Variants in ANKRD36C observed in about 807,000 individuals in gnomAD.
ANKRD36C encodes ankyrin repeat domain 36C.
ANKRD36C carries 61 observed loss-of-function variants against 276.4 expected under a neutral mutation model. That is an observed-to-expected ratio of 0.22 (90% confidence interval 0.18 to 0.27). The LOEUF (loss-of-function observed/expected upper bound fraction) is 0.27. ANKRD36C is among the 10% of genes least tolerant of loss of function. The pLI, the probability that ANKRD36C is intolerant of heterozygous loss-of-function variation, is 1.00. For synonymous variants in ANKRD36C, 483 were observed against 680.1 expected (o/e 0.71, Z 4.51); for missense variants, 1,447 against 2,032.3 (o/e 0.71, Z 5.54).
intron 6 of ANKRD36C, among the ~76,000 whole-genome samples, chr2:95,963,972 A>C (rs373036345): frequency 2.0e-5 from 1 of 48,994 alleles, no homozygotes; most frequent in Non-Finnish European, 3.7e-5. Context: ...TATATATATA[A>C]ATATATATAT....
intron 59 of ANKRD36C, among the ~76,000 whole-genome samples, chr2:95,870,788 T>C (rs1675791068): frequency 6.6e-6 from 1 of 152,098 alleles, no homozygotes; most frequent in Non-Finnish European, 1.5e-5. Context: ...GACGAATGTA[T>C]ACCTAGAATA....
exon 29 of ANKRD36C, chr2:95,925,531 T>A (rs767812196): frequency 6.4e-7 from 1 of 1,550,606 alleles, no homozygotes; most frequent in South Asian, 1.2e-5. Context: ...TCCAGGCTGA[T>A]TGTTTCTGAG....
intron 13 of ANKRD36C, among the ~76,000 whole-genome samples, chr2:95,956,159 C>T (rs1419307767): frequency 1.3e-5 from 2 of 151,986 alleles, no homozygotes; most frequent in Admixed American, 1.3e-4. Flanking sequence ...ATATAGTTAT[C>T]ATAACATGGT....
intron 19 of ANKRD36C, among the ~76,000 whole-genome samples, chr2:95,942,106 G>A (rs1029153532): frequency 1.1e-4 from 16 of 152,346 alleles, no homozygotes; most frequent in Non-Finnish European, 1.8e-4. Flanking sequence ...GCACAAAGGG[G>A]ACTTAGAAGA....
intron 34 of ANKRD36C, among the ~76,000 whole-genome samples, chr2:95,920,721 G>T (rs1449179740): frequency 7.1e-6 from 1 of 140,374 alleles, no homozygotes; most frequent in Non-Finnish European, 1.6e-5. Flanking sequence ...CATTGAAAAT[G>T]ACCATTTTAG....
intron 44 of ANKRD36C, 115 bp downstream of exon 64, chr2:95,893,418 C>T (rs543107872): frequency 1.2e-5 from 17 of 1,413,548 alleles, no homozygotes; most frequent in East Asian, 2.5e-5. Flanking sequence ...GAAGAATCTC[C>T]GGCCTGCTGA....
chr2:95,851,036 ATGTG>A (rs1675281992), downstream of ANKRD36C: 1 of 671,268 alleles, frequency 1.5e-6, no homozygotes, highest in Admixed American at 2.3e-5. Flanking sequence ...CTTTCACTAG[ATGTG>A]TGTAAGAAAA....
chr2:95,922,327 T>C (rs1036267356), intron 32 of ANKRD36C, among the ~76,000 whole-genome samples: 12 of 151,672 alleles, frequency 7.9e-5, no homozygotes, highest in Admixed American at 7.2e-4. Flanking sequence ...TGAAGTGTCC[T>C]AAATTGCTCA....
chr2:95,857,830 G>C (rs1173274481), intron 61 of ANKRD36C, among the ~76,000 whole-genome samples: 1 of 145,456 alleles, frequency 6.9e-6, no homozygotes, highest in Non-Finnish European at 1.5e-5. Flanking sequence ...AGATCCAGGG[G>C]ATATTCAGCT....
Position 95,916,142 on chromosome 2 carries a change from C to G in ANKRD36C, c.2376+1G>C, listed in dbSNP as rs1165395994. 6.2e-7 allele frequency: 1 copy of G among 1,605,416 alleles called. No homozygotes were observed. The highest frequency in any genetic ancestry group is 1.1e-5 in the South Asian group (1 of 90,930). ...CACAATATAAATGAGAGTTTCATTA[C>G]CTTCAAGGCTGGTTTTTTCCGAGAA... On this transcript the variant is annotated splice_donor_variant, in intron 37 of 66. Transcript: ENST00000456556. LOFTEE classifies it high-confidence loss of function.
intron 30 of ANKRD36C, among the ~76,000 whole-genome samples, chr2:95,924,443 A>T (rs1174003482): frequency 6.6e-6 from 1 of 151,660 alleles, no homozygotes; most frequent in Non-Finnish European, 1.5e-5. Context: ...ATAAACTTTT[A>T]CGTTTGGATA....
chr2:95,856,815 A>G (rs1314476492), intron 62 of ANKRD36C, among the ~76,000 whole-genome samples: 1 of 152,160 alleles, frequency 6.6e-6, no homozygotes, highest in African/African-American at 2.4e-5. Flanking sequence ...GATTTTTCCC[A>G]GCTTTTCTGA....
chr2:95,855,521 CT>C lies in ANKRD36C; in HGVS notation c.4739del (p.Gln1580ArgfsTer7). On this transcript the variant is annotated frameshift_variant, in exon 63 of 67. Coordinates refer to ENST00000456556, the Ensembl canonical transcript of ANKRD36C. LOFTEE classifies it high-confidence loss of function. ...GTTTTTTTAGTTGACAAAATCTTTC[CT>C]GCTTTTCTATGCATTTTTCCATTGT... 6.2e-7 allele frequency: 1 copy of C among 1,611,584 alleles called. No homozygotes were observed. The highest frequency in any genetic ancestry group is 1.7e-5 in the Admixed American group (1 of 59,952).
In ANKRD36C at chr2:95,936,914, T is replaced by C. The variant is rs1275177514; in HGVS notation, c.1634-1270A>G. On this transcript the variant is annotated intron_variant, in intron 22 of 66. Transcript: ENST00000456556. Reference sequence around the variant, plus strand: ...TCACAACAGCAGCCCCATGTCCTCCTCTCTCCCATAGACACAGTTTCATAG... The same window carrying C: ...TCACAACAGCAGCCCCATGTCCTCCCCTCTCCCATAGACACAGTTTCATAG... 3.9e-5 allele frequency among the ~76,000 whole-genome samples: 6 copies of C among 152,392 alleles called. No homozygotes were observed. The East Asian group carries it at 9.7e-4, about 25-fold the overall frequency.
chr2:95,902,923 T>A, intron 42 of ANKRD36C: 7 of 1,589,306 alleles, frequency 4.4e-6, no homozygotes, highest in Non-Finnish European at 6.0e-6. Flanking sequence ...TTCCTCTGGC[T>A]ATATTCAAAA....
At chr2:95,967,815 C>A (rs1573810542) in intron 6 of ANKRD36C, among the ~76,000 whole-genome samples, 1 of 152,060 alleles carries the variant, frequency 6.6e-6, no homozygotes, top group African/African-American at 2.4e-5. Flanking sequence ...AGGCTGGGCA[C>A]AGTGGCTCAT....
chr2:95,935,758 A>G (rs953999526), intron 22 of ANKRD36C, 114 bp from the exon 23 acceptor site: 2 of 1,375,272 alleles, frequency 1.5e-6, no homozygotes, highest in African/African-American at 1.5e-5. Context: ...ACTTCTACCA[A>G]TGTGATCCTC....
chr2:95,975,070 T>C (rs1678780731), intron 6 of ANKRD36C, among the ~76,000 whole-genome samples: 1 of 152,048 alleles, frequency 6.6e-6, no homozygotes, highest in African/African-American at 2.4e-5. Context: ...ACATTTGGGT[T>C]GGTTCCATGT....
intron 49 of ANKRD36C, 27 bp from the exon 70 acceptor site, chr2:95,888,024 G>T: frequency 6.3e-7 from 1 of 1,596,244 alleles, no homozygotes; most frequent in Non-Finnish European, 8.5e-7. Context: ...ACAAAATAAT[G>T]AATACATAAA....
Sources: gnomAD v4.1 joint callset for allele counts (sites outside exome capture counted in the v4.1 genomes callset) on GRCh38, gnomAD v4.1.1 for gene constraint, MANE v1.5 for transcripts, NCBI Gene and HGNC (gene_info 2026-07-23, HGNC 2026-07-21) for gene names.